The following SPTBN1 variants were observed in gnomAD, a reference collection of about 807,000 sequenced individuals.
The protein encoded by SPTBN1 is spectrin beta, non-erythrocytic 1.
In SPTBN1, 32 loss-of-function variants were observed where a neutral mutation model predicts 266.4. That is an observed-to-expected ratio of 0.12 (90% confidence interval 0.09 to 0.16). SPTBN1 has a LOEUF of 0.16. Among genes scored for constraint, SPTBN1 ranks in the 10% least tolerant of loss-of-function variants. SPTBN1 has a pLI of 1.00. For missense variants in SPTBN1, 2,296 were observed against 3,067.1 expected (o/e 0.75, Z 5.94); for synonymous variants, 1,336 against 1,162.2 (o/e 1.15, Z -3.04).
chr2:54,498,091 A>G (rs1669062383), intron 1 of SPTBN1, among the ~76,000 whole-genome samples: 1 of 152,166 alleles, frequency 6.6e-6, no homozygotes, highest in African/African-American at 2.4e-5. Flanking sequence ...TCTGAAAAAA[A>G]CTTTGTTATA....
chr2:54,471,283 C>T (rs1558754377), intron 1 of SPTBN1, among the ~76,000 whole-genome samples: 1 of 152,152 alleles, frequency 6.6e-6, no homozygotes, highest in Non-Finnish European at 1.5e-5. Flanking sequence ...TAAGGTTTAC[C>T]ATCTTTAGTT....
intron 1 of SPTBN1, among the ~76,000 whole-genome samples, chr2:54,521,022 G>A (rs183930625): frequency 6.6e-6 from 1 of 152,146 alleles, no homozygotes; most frequent in Non-Finnish European, 1.5e-5. Context: ...AGCTATTTAA[G>A]AAGTACAGAT....
At chr2:54,543,699 A>G (rs1672070508) in intron 2 of SPTBN1, among the ~76,000 whole-genome samples, 1 of 152,236 alleles carries the variant, frequency 6.6e-6, no homozygotes, top group South Asian at 2.1e-4. Flanking sequence ...ATGATCCTGC[A>G]TAATCCTAAA....
At chr2:54,625,577 GGTTTTTTGGTTTT>G (rs1678268681) in intron 11 of SPTBN1, among the ~76,000 whole-genome samples, 1 of 151,930 alleles carries the variant, frequency 6.6e-6, no homozygotes, top group Admixed American at 6.6e-5. Flanking sequence ...GCGGGAAATA[GGTTTTTTGGTTTT>G]GTTTTTGTTT....
chr2:54,640,605 A>G (rs1215725118), intron 18 of SPTBN1, among the ~76,000 whole-genome samples: 1 of 151,018 alleles, frequency 6.6e-6, no homozygotes, highest in African/African-American at 2.4e-5. Flanking sequence ...AGGCTGGAAT[A>G]CAGTGGTGGG....
rs1326068532 is a variant in SPTBN1 at position 54,456,428 on chromosome 2, G to C, written c.-138G>C. The C allele has an allele frequency of 6.6e-6, 1 of 152,182 alleles. No homozygotes were observed. The highest frequency in any genetic ancestry group is 1.9e-4 in the East Asian group (1 of 5,158). 9.4% of individuals were successfully genotyped at this position (152,182 alleles called of 1,614,324 possible). A position where few individuals can be genotyped will look rare whatever the true frequency, so the allele number is the denominator to read the frequency against. On this transcript the variant is annotated 5_prime_UTR_variant, in exon 1 of 36. Transcript: ENST00000356805. ...TGAGCCCCGGCCCCAGCCGCGGACA[G>C]ACCCGCGGAGTCGCCTCCCGGCCCA...
Position 54,644,318 on chromosome 2 carries a change from T to C in SPTBN1, c.4006-5T>C, listed in dbSNP as rs1475103435. The C allele has an allele frequency of 6.3e-7, 1 of 1,598,966 alleles. No homozygotes were observed. Among genetic ancestry groups the C allele is most frequent in the Non-Finnish European group, 8.6e-7 (1 of 1,168,058 alleles). ...ATTTACAACCATGTTGGTTTTGTTT[T>C]CCAGGAAGGAATGCAGCTCATTTCA... On this transcript the variant is annotated splice_polypyrimidine_tract_variant and splice_region_variant and intron_variant, in intron 19 of 35. Coordinates refer to ENST00000356805, the MANE Select transcript of SPTBN1 (RefSeq NM_003128.3).
intron 2 of SPTBN1, among the ~76,000 whole-genome samples, chr2:54,564,550 C>A (rs34978408): frequency 0.15 from 23,353 of 152,198 alleles, 1,875 homozygotes; most frequent in Middle Eastern, 0.19. Context: ...TGACTCCAGT[C>A]CCAGCTGCAG....
At chr2:54,459,424 G>T (rs1693240863) in intron 1 of SPTBN1, among the ~76,000 whole-genome samples, 1 of 152,186 alleles carries the variant, frequency 6.6e-6, no homozygotes, top group Admixed American at 6.5e-5. Flanking sequence ...TAGAGTGGTT[G>T]CTTTGTCTTG....
At chr2:54,600,670 C>CT (rs1348691325) in intron 3 of SPTBN1, among the ~76,000 whole-genome samples, 2 of 149,436 alleles carry the variant, frequency 1.3e-5, no homozygotes, top group Non-Finnish European at 3.0e-5. Context: ...ACCTCTCAAC[C>CT]TTTTTTTGTT....
At chr2:54,576,055 C>CTT (rs71408771) in intron 2 of SPTBN1, among the ~76,000 whole-genome samples, 3 of 18,726 alleles carry the variant, frequency 1.6e-4, no homozygotes, top group African/African-American at 2.6e-4. Flanking sequence ...TCAGATCCAG[C>CTT]TTTTTTTTTT....
rs1286631741 is a variant in SPTBN1 at position 54,649,331 on chromosome 2, C to G, written c.5202+141C>G. On this transcript the variant is annotated intron_variant, in intron 25 of 35. Coordinates refer to ENST00000356805, the MANE Select transcript of SPTBN1 (RefSeq NM_003128.3). The surrounding 1 kb of genome is among the most constrained non-coding windows in gnomAD (Gnocchi z 6.7). ...GGGGTTTAGTTTTAAGGTGGTGTTTCTTTTATAAGCTGGTGACTCGCATTT... is the reference window on the plus strand; with the variant it reads ...GGGGTTTAGTTTTAAGGTGGTGTTTGTTTTATAAGCTGGTGACTCGCATTT... 9.4e-7 allele frequency: 1 copy of G among 1,058,890 alleles called. No homozygotes were observed. Among genetic ancestry groups the G allele is most frequent in the East Asian group, 2.6e-5 (1 of 38,120 alleles). The allele number at this position is 1,058,890 out of a possible 1,614,324, so 65.6% of individuals were successfully genotyped here.
intron 34 of SPTBN1, 150 bp from the exon 35 acceptor site, chr2:54,667,454 G>T: frequency 1.7e-6 from 1 of 605,316 alleles, no homozygotes; most frequent in South Asian, 2.5e-5. Context: ...GGGCCTGGGC[G>T]GGTCCCCAGG....
chr2:54,569,614 C>T (rs1375529937), intron 2 of SPTBN1, among the ~76,000 whole-genome samples: 1 of 151,978 alleles, frequency 6.6e-6, no homozygotes, highest in Non-Finnish European at 1.5e-5. Context: ...ATTTCTGTGC[C>T]TCTTACCAAA....
intron 17 of SPTBN1, among the ~76,000 whole-genome samples, chr2:54,634,280 A>G (rs1678962656): frequency 2.0e-5 from 3 of 152,176 alleles, no homozygotes; most frequent in South Asian, 4.1e-4. Context: ...GAAGCAGATG[A>G]TGCTGTCTAG....
chr2:54,632,999 T>C (rs1464970795), intron 17 of SPTBN1, among the ~76,000 whole-genome samples: 1 of 152,126 alleles, frequency 6.6e-6, no homozygotes, highest in African/African-American at 2.4e-5. Flanking sequence ...AAAGAAAGCC[T>C]GAGAAGCCAA....
At chr2:54,493,849 T>TA (rs1158379341) in intron 1 of SPTBN1, among the ~76,000 whole-genome samples, 1 of 152,212 alleles carries the variant, frequency 6.6e-6, no homozygotes, top group Non-Finnish European at 1.5e-5. Context: ...AGACCCCTGA[T>TA]ACCTTACATT....
intron 1 of SPTBN1, among the ~76,000 whole-genome samples, chr2:54,525,622 A>G (rs1670758294): frequency 6.6e-6 from 1 of 152,270 alleles, no homozygotes. Context: ...ATAACATTTT[A>G]TGAATTTCCA....
chr2:54,608,847 C>T (rs1330614958), intron 3 of SPTBN1, among the ~76,000 whole-genome samples: 1 of 152,086 alleles, frequency 6.6e-6, no homozygotes, highest in Non-Finnish European at 1.5e-5. Context: ...ATAATATAAA[C>T]AGTCAATTAA....
Sources: allele counts gnomAD v4.1 joint callset (sites outside exome capture counted in the v4.1 genomes callset), GRCh38; gene constraint gnomAD v4.1.1; non-coding constraint Gnocchi (gnomAD v3.1); transcripts MANE v1.5; gene names NCBI Gene and HGNC (gene_info 2026-07-23, HGNC 2026-07-21).